The following AGBL4 variants were observed in gnomAD, a reference collection of about 807,000 sequenced individuals.
The protein encoded by AGBL4 is AGBL carboxypeptidase 4, also known as cytosolic carboxypeptidase 6.
AGBL4 carries 58 observed loss-of-function variants against 66.4 expected under a neutral mutation model. The observed-to-expected ratio is 0.87, with a 90% confidence interval of 0.71 to 1.09. AGBL4 has a LOEUF of 1.09. Ranked by LOEUF, AGBL4 falls within the 50% of genes least tolerant of loss-of-function variation. AGBL4 has a pLI of 0.00. For missense variants in AGBL4, 579 were observed against 631.0 expected, an observed-to-expected ratio of 0.92 and a Z score of 0.88; for synonymous variants, 234 against 222.9, an observed-to-expected ratio of 1.05 and a Z score of -0.44.
intron 3 of AGBL4, among the ~76,000 whole-genome samples, chr1:49,547,597 A>G (rs1652597346): frequency 6.6e-6 from 1 of 152,090 alleles, no homozygotes; most frequent in African/African-American, 2.4e-5. Flanking sequence ...TTTTGGCAGT[A>G]TGGTCATTTT....
intron 5 of AGBL4, among the ~76,000 whole-genome samples, chr1:48,895,924 A>G (rs1161303757): frequency 6.6e-6 from 1 of 152,222 alleles, no homozygotes; most frequent in East Asian, 1.9e-4. Flanking sequence ...AAAAGTCTAG[A>G]GTTCTACATT....
At chr1:49,919,334 C>A (rs1254488994) in intron 1 of AGBL4, among the ~76,000 whole-genome samples, 1 of 152,160 alleles carries the variant, frequency 6.6e-6, no homozygotes, top group Non-Finnish European at 1.5e-5. Context: ...ATTTAGAAAA[C>A]CTCATCATCT....
chr1:49,588,346 T>C (rs111458414), intron 3 of AGBL4, among the ~76,000 whole-genome samples: 81 of 152,302 alleles, frequency 5.3e-4, no homozygotes, highest in Non-Finnish European at 9.3e-4. Context: ...CCTGAGCTCC[T>C]TAAGGACAGA....
chr1:49,904,907 C>T (rs1476578657), intron 1 of AGBL4, among the ~76,000 whole-genome samples: 1 of 152,014 alleles, frequency 6.6e-6, no homozygotes, highest in Non-Finnish European at 1.5e-5. Flanking sequence ...GTGGGGTTGG[C>T]CTTTGGACAA....
intron 3 of AGBL4, among the ~76,000 whole-genome samples, chr1:49,467,315 T>C (rs1001997294): frequency 3.3e-5 from 5 of 151,898 alleles, no homozygotes; most frequent in Non-Finnish European, 7.4e-5. Flanking sequence ...TGGTTAGACA[T>C]GAAAGATCAA....
At chr1:48,746,932 A>T (rs1251182729) in intron 6 of AGBL4, among the ~76,000 whole-genome samples, 16 of 152,352 alleles carry the variant, frequency 1.1e-4, no homozygotes, top group Admixed American at 4.6e-4. Context: ...GGAACAAAAA[A>T]AGCATGTGTT....
intron 9 of AGBL4, among the ~76,000 whole-genome samples, chr1:48,593,383 C>A (rs917114820): frequency 3.3e-5 from 5 of 152,212 alleles, no homozygotes; most frequent in Non-Finnish European, 7.3e-5. Context: ...TATTTCCAAT[C>A]TTTTCTTGTT....
intron 3 of AGBL4, among the ~76,000 whole-genome samples, chr1:49,603,929 T>TACACACAC (rs60862640): frequency 1.4e-4 from 19 of 140,528 alleles, no homozygotes; most frequent in Non-Finnish European, 2.5e-4. Context: ...TTCCATGGTA[T>TACACACAC]ACACACACAC....
At chr1:49,121,594 G>A (rs1645654876) in intron 4 of AGBL4, among the ~76,000 whole-genome samples, 1 of 152,178 alleles carries the variant, frequency 6.6e-6, no homozygotes, top group South Asian at 2.1e-4. Context: ...TCTCAGAGAG[G>A]CAGCAACCTA....
At chr1:49,521,073 T>G (rs1438911248) in intron 3 of AGBL4, among the ~76,000 whole-genome samples, 1 of 152,022 alleles carries the variant, frequency 6.6e-6, no homozygotes, top group African/African-American at 2.4e-5. Flanking sequence ...CCCCTCAAAG[T>G]GCTGGGATTA....
At chr1:48,984,531 C>A (rs1660027272) in intron 5 of AGBL4, among the ~76,000 whole-genome samples, 1 of 147,682 alleles carries the variant, frequency 6.8e-6, no homozygotes, top group African/African-American at 2.5e-5. Context: ...ACAGTGCACA[C>A]TAGGTTTTCA....
rs573570104 is a variant in AGBL4, at chr1:48,709,897, C to T, written c.635-46656G>A. On this transcript the variant is annotated intron_variant, in intron 6 of 13. Transcript: ENST00000371839. The stretch of plus-strand genomic sequence containing the variant: ...GATTACAGGCGTGAGCCACCATGCC[C>T]GGCCTGCCAGGCATTATTTTAAGAG... 1.1e-3 allele frequency among the ~76,000 whole-genome samples: 165 copies of T among 152,226 alleles called. 4 individuals carry two copies. The South Asian group carries it at 0.032, about 30-fold the overall frequency.
At chr1:48,787,170 C>T (rs1271766813) in intron 6 of AGBL4, among the ~76,000 whole-genome samples, 1 of 152,150 alleles carries the variant, frequency 6.6e-6, no homozygotes, top group East Asian at 1.9e-4. Flanking sequence ...CAGCCATGGA[C>T]TTCTGCCCCA....
chr1:48,889,550 G>A (rs959250925), intron 5 of AGBL4, among the ~76,000 whole-genome samples: 3 of 152,220 alleles, frequency 2.0e-5, no homozygotes, highest in Non-Finnish European at 4.4e-5. Flanking sequence ...TGCAAGTCAG[G>A]AAGATCTTAT....
At chr1:49,449,090 T>C (rs1646222283) in intron 3 of AGBL4, among the ~76,000 whole-genome samples, 1 of 152,030 alleles carries the variant, frequency 6.6e-6, no homozygotes, top group South Asian at 2.1e-4. Flanking sequence ...GTGATATACA[T>C]ATATAGATAT....
intron 1 of AGBL4, among the ~76,000 whole-genome samples, chr1:49,936,213 G>A (rs892545939): frequency 4.6e-5 from 7 of 152,248 alleles, no homozygotes; most frequent in Non-Finnish European, 2.9e-5. Flanking sequence ...GAGCCGATGC[G>A]ATCAACTGCA....
chr1:49,045,606 C>A lies in AGBL4; in HGVS notation c.572G>T (p.Arg191Leu). 1 of 1,604,170 alleles carries A rather than the reference C, an allele frequency of 6.2e-7. No individual in the cohort carries two copies. Among genetic ancestry groups the A allele is most frequent in the Non-Finnish European group, 8.5e-7 (1 of 1,175,178 alleles). The change falls in exon 5 of 14, where the codon CGG becomes CTG. Residue 191 changes from arginine (R) to leucine (L), a missense_variant. Transcript: ENST00000371839. ...TACCACACTCTGGCCCAGCTGCTCCCGAAAGAAGTAATCCATGTTTCTCTT... is the reference window on the plus strand; with the variant it reads ...TACCACACTCTGGCCCAGCTGCTCCAGAAAGAAGTAATCCATGTTTCTCTT... ...LQKRNMDYFF[R>L]EQLGQSVQQR...
intron 6 of AGBL4, among the ~76,000 whole-genome samples, chr1:48,747,554 ACT>A (rs1269442717): frequency 2.8e-4 from 43 of 152,314 alleles, no homozygotes; most frequent in Admixed American, 2.4e-3. Context: ...CATACAAATA[ACT>A]CTGATTTAAC....
At chr1:49,513,038 A>G (rs1227402071) in intron 3 of AGBL4, among the ~76,000 whole-genome samples, 1 of 152,018 alleles carries the variant, frequency 6.6e-6, no homozygotes, top group Admixed American at 6.6e-5. Context: ...AAATGGGAAA[A>G]GAGAAACTTG....
Sources: gnomAD v4.1 joint callset for allele counts (sites outside exome capture counted in the v4.1 genomes callset) on GRCh38, gnomAD v4.1.1 for gene constraint, MANE v1.5 for transcripts, NCBI Gene and HGNC (gene_info 2026-07-23, HGNC 2026-07-21) for gene names.